ZNF136: variants seen among roughly 807,000 people sequenced by gnomAD.
The protein encoded by ZNF136 is zinc finger protein 136 (clone pHZ-20).
A neutral mutation model predicts 11.4 loss-of-function variants in ZNF136; 8 were observed. That is an observed-to-expected ratio of 0.70 (90% confidence interval 0.41 to 1.27). The LOEUF (loss-of-function observed/expected upper bound fraction) is 1.27. ZNF136 is among the 50% of genes most tolerant of loss of function. The pLI is 0.01. For synonymous variants in ZNF136, 190 were observed against 207.1 expected, an observed-to-expected ratio of 0.92 and a Z score of 0.71; for missense variants, 590 against 656.5, an observed-to-expected ratio of 0.90 and a Z score of 1.11.
At chr19:12,183,071 T>G (rs548977998) in intron 1 of ZNF136, among the ~76,000 whole-genome samples, 1 of 152,142 alleles carries the variant, frequency 6.6e-6, no homozygotes, top group African/African-American at 2.4e-5. Context: ...ATTTAATTTT[T>G]CCCCCCAGAA....
intron 1 of ZNF136, among the ~76,000 whole-genome samples, chr19:12,180,143 G>A (rs1914906082): frequency 6.6e-6 from 1 of 152,192 alleles, no homozygotes; most frequent in Non-Finnish European, 1.5e-5. Flanking sequence ...TGGGATTACA[G>A]GCGTGAGCCA....
chr19:12,177,667 A>G (rs1914835990), intron 1 of ZNF136, among the ~76,000 whole-genome samples: 1 of 152,204 alleles, frequency 6.6e-6, no homozygotes, highest in African/African-American at 2.4e-5. Context: ...TCTTTTTGGT[A>G]ACAGTCATTC....
intron 3 of ZNF136, among the ~76,000 whole-genome samples, 172 bp from the exon 4 acceptor site, chr19:12,186,398 G>A (rs1915084075): frequency 6.6e-6 from 1 of 152,232 alleles, no homozygotes; most frequent in South Asian, 2.1e-4. Context: ...CACTGTTTGA[G>A]TGATAGTTGC....
At chr19:12,180,698 A>G (rs142180477) in intron 1 of ZNF136, among the ~76,000 whole-genome samples, 362 of 152,340 alleles carry the variant, frequency 2.4e-3, no homozygotes, top group Non-Finnish European at 4.2e-3. Flanking sequence ...TAGATAGTGC[A>G]TAGCAATATA....
At position 12,176,618 on chromosome 19, in the gene ZNF136, C is replaced by T. The variant is rs139973629; in HGVS notation, c.4-9167C>T. Among the ~76,000 whole-genome samples the T allele has an allele frequency of 2.0e-3, 299 of 152,282 alleles. 2 individuals are homozygous for T. The highest frequency in any genetic ancestry group is 6.6e-3 in the African/African-American group (276 of 41,554). ...CTGGGATTACAGACGTGAGCCACTG[C>T]GCCCAGCCTTTCCATGAGTATTAAT... On this transcript the variant is annotated intron_variant, in intron 1 of 3. Transcript: ENST00000343979.
intron 1 of ZNF136, among the ~76,000 whole-genome samples, chr19:12,168,186 C>A (rs1160540634): frequency 6.7e-6 from 1 of 149,512 alleles, no homozygotes; most frequent in African/African-American, 2.5e-5. Flanking sequence ...GATTCTCCTG[C>A]CTCAGCCTCC....
chr19:12,170,559 G>T (rs996216911), intron 1 of ZNF136, among the ~76,000 whole-genome samples: 1 of 151,152 alleles, frequency 6.6e-6, no homozygotes, highest in Non-Finnish European at 1.5e-5. Flanking sequence ...ATTAATGGTT[G>T]TATTTTTTTA....
At position 12,186,706 on chromosome 19, in the gene ZNF136, G is replaced by A; in HGVS notation, c.328G>A (p.Val110Ile). The part of the protein sequence containing the change: ...KLCESIVYGE[V>I]SMGQSSLNRH... The stretch of plus-strand genomic sequence containing the variant: ...CTGTGAAAGCATTGTATATGGAGAA[G>A]TCAGCATGGGTCAGTCATCCCTTAA... The change falls in exon 4 of 4, where the codon GTC becomes ATC. Residue 110 changes from valine to isoleucine, a missense_variant. Coordinates refer to ENST00000343979, the MANE Select transcript of ZNF136 (RefSeq NM_003437.5). 4 of 1,614,140 alleles carry A rather than the reference G, an allele frequency of 2.5e-6. No individual in the cohort carries two copies. Among genetic ancestry groups the A allele is most frequent in the Non-Finnish European group, 2.5e-6 (3 of 1,180,012 alleles).
At chr19:12,181,090 A>G (rs1243167113) in intron 1 of ZNF136, among the ~76,000 whole-genome samples, 1 of 152,186 alleles carries the variant, frequency 6.6e-6, no homozygotes. Flanking sequence ...AGCTGGCTGC[A>G]TTACCTTTCT....
chr19:12,175,872 G>A (rs1301948190), intron 1 of ZNF136, among the ~76,000 whole-genome samples: 1 of 152,166 alleles, frequency 6.6e-6, no homozygotes, highest in African/African-American at 2.4e-5. Flanking sequence ...CTTTTCTGCA[G>A]TGTTACATAG....
intron 1 of ZNF136, among the ~76,000 whole-genome samples, chr19:12,181,484 T>G (rs1914940757): frequency 1.3e-5 from 2 of 152,014 alleles, no homozygotes; most frequent in Non-Finnish European, 2.9e-5. Context: ...TTTTTGTTTT[T>G]TTTTTTTTGG....
intron 1 of ZNF136, among the ~76,000 whole-genome samples, chr19:12,168,073 T>TTTTTC (rs1241284610): frequency 7.7e-6 from 1 of 129,752 alleles, no homozygotes; most frequent in Non-Finnish European, 1.6e-5. Flanking sequence ...TTTTTTTTTT[T>TTTTTC]TTTTTTTTTT....
intron 1 of ZNF136, among the ~76,000 whole-genome samples, chr19:12,171,748 A>G (rs1009847003): frequency 6.6e-6 from 1 of 151,440 alleles, no homozygotes; most frequent in Non-Finnish European, 1.5e-5. Context: ...AAGGGTGGGG[A>G]AGGGTACTCT....
At chr19:12,185,670 G>A in intron 1 of ZNF136, 115 bp from the exon 2 acceptor site, 3 of 1,356,692 alleles carry the variant, frequency 2.2e-6, no homozygotes, top group Non-Finnish European at 3.0e-6. Context: ...TGACCAAACA[G>A]TGGAGTAAAT....
Position 12,187,222 on chromosome 19 carries a change from T to C in ZNF136, c.844T>C (p.Cys282Arg). The C allele has an allele frequency of 6.2e-7, 1 of 1,613,990 alleles. No individual in the cohort carries two copies. Residue 282 changes from cysteine to arginine, a missense_variant, in exon 4 of 4, where the codon TGT becomes CGT. By Grantham distance (180) the Cys-to-Arg change is radical. Transcript: ENST00000343979. ...TCACACTGGAGAAAAACCCTTTAAA[T>C]GTAAGCAATGTGGTAAAGCCTTCAG... is the stretch of plus-strand genomic sequence containing the variant. ...RIHTGEKPFK[C>R]KQCGKAFSCS...
intron 1 of ZNF136, among the ~76,000 whole-genome samples, chr19:12,167,004 C>T (rs1490383131): frequency 6.6e-6 from 1 of 152,168 alleles, no homozygotes; most frequent in African/African-American, 2.4e-5. Flanking sequence ...AAAGTGTTTT[C>T]TTTCATAGGA....
chr19:12,165,955 C>T (rs866954060), intron 1 of ZNF136, among the ~76,000 whole-genome samples: 8 of 152,046 alleles, frequency 5.3e-5, no homozygotes, highest in Admixed American at 1.3e-4. Context: ...TGGCTGGGTG[C>T]GGTGGCTCAC....
intron 1 of ZNF136, among the ~76,000 whole-genome samples, chr19:12,182,587 G>T (rs778078400): frequency 3.3e-5 from 5 of 152,218 alleles, no homozygotes; most frequent in Non-Finnish European, 7.3e-5. Context: ...CATGTTAGTG[G>T]TCAGCTAATT....
At chr19:12,183,083 A>T (rs1316060818) in intron 1 of ZNF136, among the ~76,000 whole-genome samples, 1 of 151,974 alleles carries the variant, frequency 6.6e-6, no homozygotes, top group Non-Finnish European at 1.5e-5. Flanking sequence ...CCCCCAGAAC[A>T]TATATGCAGT....
Sources: gnomAD v4.1 joint callset for allele counts (sites outside exome capture counted in the v4.1 genomes callset) on GRCh38, gnomAD v4.1.1 for gene constraint, MANE v1.5 for transcripts, NCBI Gene and HGNC (gene_info 2026-07-23, HGNC 2026-07-21) for gene names.